The following LAMA3 variants were observed in gnomAD, a reference collection of about 807,000 sequenced individuals.
LAMA3 encodes the protein laminin subunit alpha-3.
A neutral mutation model predicts 402.0 loss-of-function variants in LAMA3; 281 were observed. The observed-to-expected ratio is 0.70, with a 90% confidence interval of 0.63 to 0.77. LAMA3 has a LOEUF of 0.77. Ranked by LOEUF, LAMA3 falls within the 30% of genes least tolerant of loss-of-function variation. The pLI, the probability that LAMA3 is intolerant of heterozygous loss-of-function variation, is 0.00. For missense variants in LAMA3, 3,840 were observed against 4,215.5 expected (o/e 0.91, Z 2.47); for synonymous variants, 1,431 against 1,558.4 (o/e 0.92, Z 1.93).
rs1568227246 is a variant in LAMA3 at position 23,827,438 on chromosome 18, CCT to C, written c.2795_2796del (p.Pro932ArgfsTer41). 1.2e-6 allele frequency: 2 copies of C among 1,614,122 alleles called. No homozygotes were observed. Among genetic ancestry groups the C allele is most frequent in the South Asian group, 2.2e-5 (2 of 91,072 alleles). ...AGTGAGGCAGCCCACACCTGCACAC[CCT>C]GTCATGGTGGACCTCAGCGGGAGAG... ...VAVRQPTPAHPVMVDLSGREV... is the reference protein window; with the variant it reads ...VAVRQPTPAHXVMVDLSGREV... On this transcript the variant is annotated frameshift_variant, in exon 23 of 75. Coordinates refer to ENST00000313654, the MANE Select transcript of LAMA3 (RefSeq NM_198129.4). LOFTEE classifies it high-confidence loss of function.
intron 8 of LAMA3, among the ~76,000 whole-genome samples, 155 bp from the exon 9 acceptor site, chr18:23,773,342 C>CA (rs532461243): frequency 1.1e-3 from 166 of 152,316 alleles, no homozygotes; most frequent in Middle Eastern, 0.01. Context: ...AAATTTTGGT[C>CA]AAGGTCAAGA....
intron 1 of LAMA3, among the ~76,000 whole-genome samples, chr18:23,712,574 G>T (rs1025805242): frequency 6.6e-6 from 1 of 150,402 alleles, no homozygotes; most frequent in African/African-American, 2.5e-5. Context: ...TCAGGAAGTG[G>T]CGGGGCCACA....
Position 23,928,622 on chromosome 18 carries a change from C to T in LAMA3, c.8296-3C>T. The stretch of plus-strand genomic sequence containing the variant: ...AGTAATTTATTCCATGTTTGCATTT[C>T]AGCTTGTGCGATCTGCCTCATTCTC... On this transcript the variant is annotated splice_polypyrimidine_tract_variant and splice_region_variant and intron_variant, in intron 63 of 74. Coordinates refer to ENST00000313654, the MANE Select transcript of LAMA3 (RefSeq NM_198129.4). 1 of 1,613,942 alleles carries T rather than the reference C, an allele frequency of 6.2e-7. No homozygotes were observed. Among genetic ancestry groups the T allele is most frequent in the Non-Finnish European group, 8.5e-7 (1 of 1,179,828 alleles).
chr18:23,847,458 G>A lies in LAMA3; in HGVS notation c.3932-6G>A, dbSNP rs759969420. On this transcript the variant is annotated splice_polypyrimidine_tract_variant and splice_region_variant and intron_variant, in intron 31 of 74. Transcript: ENST00000313654. ...CTCACATGGTATTTCTTTATCCCCT[G>A]GCCAGCGTGCAGCTGTGGTCGGCGC... is the stretch of plus-strand genomic sequence containing the variant. 1.2e-6 allele frequency: 2 copies of A among 1,610,200 alleles called. No homozygotes were observed. Among genetic ancestry groups the A allele is most frequent in the Non-Finnish European group, 1.7e-6 (2 of 1,179,996 alleles).
chr18:23,842,803 A>T (rs978314413), intron 29 of LAMA3, 53 bp downstream of exon 29: 14 of 1,606,156 alleles, frequency 8.7e-6, no homozygotes, highest in Non-Finnish European at 1.0e-5. Flanking sequence ...CTGGCTGGCC[A>T]TTCTGGGTGT....
In LAMA3 at chr18:23,759,917, C is replaced by A. The variant is rs79556739; in HGVS notation, c.1063+1406C>A. Among the ~76,000 whole-genome samples, 1,069 of 152,200 alleles carry A rather than the reference C, an allele frequency of 7.0e-3. 20 individuals are homozygous for A. Among genetic ancestry groups the A allele is most frequent in the African/African-American group, 0.025 (1,025 of 41,528 alleles). ...ATCTCACTTTATAGTCACAGCTAAT[C>A]GGTTCCTTCTCAATGACTTCTCCAT... is the stretch of plus-strand genomic sequence containing the variant. On this transcript the variant is annotated intron_variant, in intron 7 of 74. Transcript: ENST00000313654.
intron 12 of LAMA3, among the ~76,000 whole-genome samples, chr18:23,784,716 G>T (rs763385789): frequency 1.3e-5 from 2 of 152,044 alleles, no homozygotes; most frequent in Non-Finnish European, 2.9e-5. Context: ...TGTCTGGTCC[G>T]GTCCCTAGAG....
At chr18:23,725,788 G>C (rs1188774152) in intron 2 of LAMA3, among the ~76,000 whole-genome samples, 1 of 152,178 alleles carries the variant, frequency 6.6e-6, no homozygotes, top group African/African-American at 2.4e-5. Context: ...TCCAGATAAG[G>C]GTGCTTTATG....
At position 23,750,906 on chromosome 18, in the gene LAMA3, T is replaced by G; in HGVS notation, c.685-12T>G. On this transcript the variant is annotated splice_polypyrimidine_tract_variant and intron_variant, in intron 4 of 74. Coordinates refer to ENST00000313654, the MANE Select transcript of LAMA3 (RefSeq NM_198129.4). ...AACTTTTTCCCCCTTTATGTGTGTG[T>G]GGTCATTTTAGGTTGTGGTGTCCTT... is the stretch of plus-strand genomic sequence containing the variant. 2 of 1,614,150 alleles carry G rather than the reference T, an allele frequency of 1.2e-6. No individual in the cohort carries two copies. Among genetic ancestry groups the G allele is most frequent in the Non-Finnish European group, 1.7e-6 (2 of 1,179,976 alleles).
intron 39 of LAMA3, 36 bp downstream of exon 39, chr18:23,876,443 A>G (rs1163487120): frequency 1.5e-6 from 2 of 1,342,380 alleles, no homozygotes; most frequent in Non-Finnish European, 2.1e-6. Flanking sequence ...ATCAGCAGAC[A>G]ATCTGTTTCT....
chr18:23,888,599 C>T (rs1437680279), intron 41 of LAMA3, among the ~76,000 whole-genome samples: 1 of 152,116 alleles, frequency 6.6e-6, no homozygotes, highest in African/African-American at 2.4e-5. Context: ...AGCCCAAGAT[C>T]ACACTAGTAA....
intron 8 of LAMA3, 77 bp downstream of exon 8, chr18:23,763,600 T>C (rs1241537496): frequency 2.1e-6 from 2 of 940,714 alleles, no homozygotes; most frequent in East Asian, 4.8e-5. Flanking sequence ...CCTGAAGAGA[T>C]GTCAAGAAAG....
intron 2 of LAMA3, among the ~76,000 whole-genome samples, chr18:23,725,049 C>T (rs1002446532): frequency 6.6e-6 from 1 of 151,994 alleles, no homozygotes; most frequent in Non-Finnish European, 1.5e-5. Context: ...CATTTCCTTA[C>T]TTTAGGAAAA....
At chr18:23,884,903 C>T in intron 41 of LAMA3, 50 bp downstream of exon 41, 1 of 1,450,868 alleles carries the variant, frequency 6.9e-7, no homozygotes, top group Non-Finnish European at 9.5e-7. Context: ...GCGGGGAGGG[C>T]TGTGGGTGGG....
chr18:23,701,097 C>T (rs12955616), intron 1 of LAMA3, among the ~76,000 whole-genome samples: 71,167 of 152,062 alleles, frequency 0.47, 18,958 homozygotes, highest in Non-Finnish European at 0.61. Context: ...TGATGAGGTG[C>T]GGAGATTAGG....
chr18:23,954,400 C>T (rs1323104428), intron 74 of LAMA3, 103 bp from the exon 75 acceptor site: 57 of 613,840 alleles, frequency 9.3e-5, no homozygotes, highest in Middle Eastern at 7.9e-4. Context: ...AGGACCCTGT[C>T]TAAAAAAAAA....
At chr18:23,782,986 A>G (rs991953464) in intron 11 of LAMA3, among the ~76,000 whole-genome samples, 1 of 152,050 alleles carries the variant, frequency 6.6e-6, no homozygotes, top group African/African-American at 2.4e-5. Flanking sequence ...GTCTTAAGTC[A>G]CCCCAAAACT....
At chr18:23,932,965 C>T (rs2082209441) in intron 66 of LAMA3, among the ~76,000 whole-genome samples, 1 of 152,144 alleles carries the variant, frequency 6.6e-6, no homozygotes, top group Non-Finnish European at 1.5e-5. Flanking sequence ...CTTCCTTGAA[C>T]ATCTAATTCA....
chr18:23,836,074 T>C (rs1187275583), intron 24 of LAMA3, among the ~76,000 whole-genome samples: 1 of 151,310 alleles, frequency 6.6e-6, no homozygotes, highest in Non-Finnish European at 1.5e-5. Flanking sequence ...CCTAGGATTA[T>C]GCCTAAATCC....
Sources: gnomAD v4.1 joint callset for allele counts (sites outside exome capture counted in the v4.1 genomes callset) on GRCh38, gnomAD v4.1.1 for gene constraint, MANE v1.5 for transcripts, NCBI Gene and HGNC (gene_info 2026-07-23, HGNC 2026-07-21) for gene names.